The following SLC35F3 variants were observed in gnomAD, a reference collection of about 807,000 sequenced individuals.
The protein encoded by SLC35F3 is putative thiamine transporter SLC35F3.
Under a neutral mutation model 49.9 loss-of-function variants are expected in SLC35F3, and 25 were observed. That is an observed-to-expected ratio of 0.50 (90% CI 0.37 to 0.70). The LOEUF (loss-of-function observed/expected upper bound fraction) is 0.70. SLC35F3 is among the 30% of genes least tolerant of loss of function. The pLI is 0.00. For missense variants in SLC35F3, 525 were observed against 639.8 expected (o/e 0.82, Z 1.94); for synonymous variants, 275 against 265.4 (o/e 1.04, Z -0.35).
At position 233,957,160 on chromosome 1, in the gene SLC35F3, C is replaced by G. The variant is rs947234055; in HGVS notation, c.283+51402C>G. Reference sequence around the variant, plus strand: ...AGGAGAAGAATAAAAGCTCTCACCCCTATTCCAAGACCTGGATCACAGTCT... The same window carrying G: ...AGGAGAAGAATAAAAGCTCTCACCCGTATTCCAAGACCTGGATCACAGTCT... On this transcript the variant is annotated intron_variant, in intron 2 of 7. Coordinates refer to ENST00000366618, the MANE Select transcript of SLC35F3 (RefSeq NM_173508.4). This position sits in a 1 kb window ranked among gnomAD's most constrained non-coding sequence, Gnocchi z 4.0. Among the ~76,000 whole-genome samples the G allele has an allele frequency of 6.6e-6, 1 of 152,202 alleles. No individual in the cohort carries two copies. Among genetic ancestry groups the G allele is most frequent in the Non-Finnish European group, 1.5e-5 (1 of 68,040 alleles).
chr1:233,992,754 C>T lies in SLC35F3; in HGVS notation c.283+86996C>T, dbSNP rs371411798. 2.0e-5 allele frequency among the ~76,000 whole-genome samples: 3 copies of T among 152,268 alleles called. No homozygotes were observed. The East Asian group carries it at 5.8e-4, about 29-fold the overall frequency. ...CAATCCAAATATACAATGATTCTTACAAGAGTTCATCTCGATGGGGAATGT... is the reference window on the plus strand; with the variant it reads ...CAATCCAAATATACAATGATTCTTATAAGAGTTCATCTCGATGGGGAATGT... On this transcript the variant is annotated intron_variant, in intron 2 of 7. Coordinates refer to ENST00000366618, the MANE Select transcript of SLC35F3 (RefSeq NM_173508.4).
chr1:234,319,020 A>T (rs1572151450), intron 6 of SLC35F3, 77 bp downstream of exon 6: 1 of 1,262,486 alleles, frequency 7.9e-7, no homozygotes, highest in Non-Finnish European at 1.1e-6. Flanking sequence ...TGTTCCCTGA[A>T]GGCAGAAAAC....
intron 2 of SLC35F3, among the ~76,000 whole-genome samples, chr1:234,112,108 T>TC (rs1316618287): frequency 1.3e-5 from 2 of 152,090 alleles, no homozygotes; most frequent in Non-Finnish European, 2.9e-5. Flanking sequence ...TGGGAGGCAG[T>TC]GGCAGGAGGA....
chr1:234,323,323 A>T lies in SLC35F3; in HGVS notation c.*80A>T. 8 of 1,238,508 alleles carry T rather than the reference A, an allele frequency of 6.5e-6. No individual in the cohort carries two copies. The highest frequency in any genetic ancestry group is 9.1e-6 in the Non-Finnish European group (8 of 876,536). The allele number at this position is 1,238,508 out of a possible 1,614,324, so 76.7% of individuals were successfully genotyped here. On this transcript the variant is annotated 3_prime_UTR_variant, in exon 8 of 8. Coordinates refer to ENST00000366618, the MANE Select transcript of SLC35F3 (RefSeq NM_173508.4). The surrounding 1 kb of genome is among the most constrained non-coding windows in gnomAD (Gnocchi z 4.5). The stretch of plus-strand genomic sequence containing the variant: ...GGAACCTCAGTTGGGTAAGGTGTAC[A>T]TACCTGTACAGTTTTGGTCATCTGC...
intron 3 of SLC35F3, chr1:234,306,517 G>A (rs1657188528): frequency 6.5e-6 from 1 of 152,798 alleles, no homozygotes; most frequent in Middle Eastern, 1.5e-3. Context: ...GAAGATTAGT[G>A]CATAGTCTTT....
intron 2 of SLC35F3, among the ~76,000 whole-genome samples, chr1:233,910,954 G>A (rs561667649): frequency 2.8e-4 from 42 of 152,274 alleles, no homozygotes; most frequent in African/African-American, 9.6e-4. Flanking sequence ...CGTGAACCTG[G>A]GACAGGAACA....
intron 2 of SLC35F3, among the ~76,000 whole-genome samples, chr1:234,112,857 G>T (rs1665429866): frequency 6.7e-6 from 1 of 149,468 alleles, no homozygotes; most frequent in South Asian, 2.1e-4. Flanking sequence ...TTACAGGCGT[G>T]AGCCACCGTG....
intron 2 of SLC35F3, among the ~76,000 whole-genome samples, chr1:234,015,365 G>T (rs990191701): frequency 7.7e-5 from 11 of 142,126 alleles, no homozygotes; most frequent in Non-Finnish European, 1.4e-4. Context: ...AAAAAAAAAT[G>T]CAAGAACAAA....
chr1:233,936,690 C>T (rs1662339117), intron 2 of SLC35F3, among the ~76,000 whole-genome samples: 3 of 151,784 alleles, frequency 2.0e-5, no homozygotes, highest in Admixed American at 2.0e-4. Context: ...CCATCTCCTT[C>T]TCCTTCTTCT....
Position 234,300,978 on chromosome 1 carries a change from G to C in SLC35F3, c.609-8123G>C, listed in dbSNP as rs997835412. On this transcript the variant is annotated intron_variant, in intron 3 of 7. Coordinates refer to ENST00000366618, the MANE Select transcript of SLC35F3 (RefSeq NM_173508.4). Reference sequence around the variant, plus strand: ...TAAATTAGATGTGAAGACGAAAAAGGAGAAGCTGAAAATGATTCTTAAGTA... The same window carrying C: ...TAAATTAGATGTGAAGACGAAAAAGCAGAAGCTGAAAATGATTCTTAAGTA... Among the ~76,000 whole-genome samples, 4 of 152,218 alleles carry C rather than the reference G, an allele frequency of 2.6e-5. No homozygotes were observed. The East Asian group carries it at 7.7e-4, about 29-fold the overall frequency.
intron 2 of SLC35F3, among the ~76,000 whole-genome samples, chr1:233,918,810 CTCTCTCTA>C (rs1202636788): frequency 2.2e-5 from 1 of 45,456 alleles, no homozygotes; most frequent in East Asian, 1.4e-3. Flanking sequence ...CTCTCTCTCT[CTCTCTCTA>C]TATATATATA....
intron 2 of SLC35F3, among the ~76,000 whole-genome samples, chr1:234,129,983 C>G (rs554209540): frequency 2.0e-5 from 3 of 152,094 alleles, no homozygotes; most frequent in Non-Finnish European, 4.4e-5. Flanking sequence ...AAGAAAATAT[C>G]TTTAATCTTC....
At chr1:234,008,760 C>T (rs1235542956) in intron 2 of SLC35F3, among the ~76,000 whole-genome samples, 1 of 152,196 alleles carries the variant, frequency 6.6e-6, no homozygotes, top group Non-Finnish European at 1.5e-5. Flanking sequence ...CTTGCTTCTT[C>T]AACTTCTGTT....
chr1:234,204,892 T>TGG (rs758618823), intron 2 of SLC35F3, among the ~76,000 whole-genome samples: 23 of 152,328 alleles, frequency 1.5e-4, no homozygotes, highest in Non-Finnish European at 2.9e-4. Context: ...TTTGGGTTGT[T>TGG]TGCTTGCTTT....
intron 2 of SLC35F3, among the ~76,000 whole-genome samples, chr1:234,126,935 A>G (rs1398305167): frequency 6.6e-6 from 1 of 152,166 alleles, no homozygotes; most frequent in African/African-American, 2.4e-5. Flanking sequence ...GACCTCAAGC[A>G]ATCCTCCTAC....
At chr1:233,925,416 T>C (rs1662140488) in intron 2 of SLC35F3, among the ~76,000 whole-genome samples, 3 of 152,214 alleles carry the variant, frequency 2.0e-5, no homozygotes, top group Non-Finnish European at 4.4e-5. Flanking sequence ...TTGATCTTTG[T>C]TGGTTTAAAG....
intron 3 of SLC35F3, among the ~76,000 whole-genome samples, chr1:234,275,409 T>C (rs1416771448): frequency 6.6e-6 from 1 of 152,154 alleles, no homozygotes; most frequent in East Asian, 1.9e-4. Context: ...AGCCTATATC[T>C]CATTCATTAA....
Position 234,159,547 on chromosome 1 carries a change from G to A in SLC35F3, c.284-71870G>A, listed in dbSNP as rs142968750. Among the ~76,000 whole-genome samples the A allele has an allele frequency of 1.6e-3, 236 of 151,668 alleles. 2 individuals carry two copies. The South Asian group carries it at 0.017, about 11-fold the overall frequency. On this transcript the variant is annotated intron_variant, in intron 2 of 7. Coordinates refer to ENST00000366618, the MANE Select transcript of SLC35F3 (RefSeq NM_173508.4). ...AGCCGAGATCACACCACTGCACTCC[G>A]TCTCAAAAAAAAAAGAACCTATATG...
At chr1:234,114,721 T>C (rs1407341328) in intron 2 of SLC35F3, among the ~76,000 whole-genome samples, 1 of 152,236 alleles carries the variant, frequency 6.6e-6, no homozygotes, top group East Asian at 1.9e-4. Context: ...GGGATTTCCC[T>C]TTCTTGGACA....
Sources: gnomAD v4.1 joint callset for allele counts (sites outside exome capture counted in the v4.1 genomes callset) on GRCh38, gnomAD v4.1.1 for gene constraint, Gnocchi (gnomAD v3.1) non-coding constraint, MANE v1.5 for transcripts, NCBI Gene and HGNC (gene_info 2026-07-23, HGNC 2026-07-21) for gene names.